PHF2: variants seen among roughly 807,000 people sequenced by gnomAD.
PHF2 encodes the protein PHD finger protein 2.
Under a neutral mutation model 120.5 loss-of-function variants are expected in PHF2, and 27 were observed. The ratio of observed to expected loss-of-function variants is 0.22; its 90% CI spans 0.17 to 0.31. The LOEUF (loss-of-function observed/expected upper bound fraction) is 0.31. PHF2 is among the 10% of genes least tolerant of loss of function. The pLI is 1.00. For missense variants in PHF2, 1,024 were observed against 1,434.8 expected, an observed-to-expected ratio of 0.71 and a Z score of 4.63; for synonymous variants, 568 against 592.5, an observed-to-expected ratio of 0.96 and a Z score of 0.60.
chr9:93,664,062 T>A (rs10761254), intron 14 of PHF2, among the ~76,000 whole-genome samples: 2 of 152,006 alleles, frequency 1.3e-5, no homozygotes, highest in Non-Finnish European at 2.9e-5. Flanking sequence ...GCCCCCCAGG[T>A]AGGGAGGGAG....
At chr9:93,674,288 G>A (rs925501767) in intron 18 of PHF2, among the ~76,000 whole-genome samples, 4 of 152,200 alleles carry the variant, frequency 2.6e-5, no homozygotes, top group African/African-American at 4.8e-5. Flanking sequence ...CCGCCTCACC[G>A]TGTTGGGGCA....
intron 6 of PHF2, 39 bp downstream of exon 6, chr9:93,653,404 G>A (rs1301918503): frequency 6.3e-7 from 1 of 1,598,416 alleles, no homozygotes; most frequent in Non-Finnish European, 8.5e-7. Flanking sequence ...CCTTGCCATG[G>A]CCATGACCCA....
At chr9:93,659,671 C>A in intron 11 of PHF2, 71 bp downstream of exon 11, 1 of 1,385,532 alleles carries the variant, frequency 7.2e-7, no homozygotes, top group South Asian at 1.2e-5. Context: ...TTCTCTGGGT[C>A]CAGGGGCCAG....
chr9:93,622,271 C>T (rs1825838524), intron 1 of PHF2, among the ~76,000 whole-genome samples: 1 of 152,232 alleles, frequency 6.6e-6, no homozygotes, highest in South Asian at 2.1e-4. Context: ...CCAGCCTGTC[C>T]ATACACCGAG....
intron 1 of PHF2, among the ~76,000 whole-genome samples, chr9:93,594,235 C>T (rs928725310): frequency 3.3e-5 from 5 of 149,698 alleles, no homozygotes; most frequent in African/African-American, 1.2e-4. Context: ...TAGTCTGCAG[C>T]CTATCTGCCT....
intron 19 of PHF2, 102 bp downstream of exon 19, chr9:93,675,124 G>A (rs1248763493): frequency 2.2e-6 from 2 of 925,584 alleles, no homozygotes; most frequent in Non-Finnish European, 3.4e-6. Flanking sequence ...GCTCAGCTCT[G>A]CACCTGTCCT....
At chr9:93,587,928 C>T (rs528440550) in intron 1 of PHF2, among the ~76,000 whole-genome samples, 61 of 152,272 alleles carry the variant, frequency 4.0e-4, no homozygotes, top group Non-Finnish European at 6.3e-4. Flanking sequence ...TGCCATTGGC[C>T]GTCTGTGCCA....
In PHF2 at chr9:93,636,467, C is replaced by T. The variant is rs1826094726; in HGVS notation, c.241C>T (p.Pro81Ser). 1.2e-6 allele frequency: 2 copies of T among 1,609,614 alleles called. No homozygotes were observed. The highest frequency in any genetic ancestry group is 1.3e-5 in the African/African-American group (1 of 74,872). Residue 81 changes from proline to serine, a missense_variant, in exon 3 of 22, where the codon CCC becomes TCC. Transcript: ENST00000359246. The part of the protein sequence containing the change: ...HGPGQAPDVK[P>S]VQNGSQLFIK... ...CCCGGGGCAAGCGCCTGACGTCAAG[C>T]CCGTGCAGAATGGCAGCCAGCTCTT... is the stretch of plus-strand genomic sequence containing the variant.
At chr9:93,644,101 G>T (rs536358346) in intron 3 of PHF2, among the ~76,000 whole-genome samples, 1 of 152,216 alleles carries the variant, frequency 6.6e-6, no homozygotes, top group South Asian at 2.1e-4. Flanking sequence ...AATTCCAGAG[G>T]CTCGGCTGGG....
intron 1 of PHF2, among the ~76,000 whole-genome samples, chr9:93,606,161 G>A (rs1825539331): frequency 6.6e-6 from 1 of 151,972 alleles, no homozygotes; most frequent in African/African-American, 2.4e-5. Context: ...GTAGAGATGG[G>A]GTTTTGCCAC....
chr9:93,629,930 G>A (rs1171026001), intron 1 of PHF2, 40 bp from the exon 2 acceptor site: 1 of 1,590,740 alleles, frequency 6.3e-7, no homozygotes, highest in Non-Finnish European at 8.6e-7. Flanking sequence ...TTGAGGGGGT[G>A]CTGAATGCCT....
chr9:93,617,180 C>T (rs1439025102), intron 1 of PHF2, among the ~76,000 whole-genome samples: 4 of 152,170 alleles, frequency 2.6e-5, no homozygotes, highest in Admixed American at 2.0e-4. Flanking sequence ...GCTGGACCCT[C>T]CAGCTCCCCT....
chr9:93,588,926 G>T (rs1863117623), intron 1 of PHF2, among the ~76,000 whole-genome samples: 1 of 152,226 alleles, frequency 6.6e-6, no homozygotes, highest in Middle Eastern at 3.4e-3. Flanking sequence ...ACCCTATGAA[G>T]TCTCTGTTCG....
At chr9:93,653,563 G>A (rs1826405122) in intron 6 of PHF2, among the ~76,000 whole-genome samples, 198 bp downstream of exon 6, 2 of 152,210 alleles carry the variant, frequency 1.3e-5, no homozygotes, top group South Asian at 2.1e-4. Context: ...CCAGAGAACC[G>A]CATGAGTGTC....
At chr9:93,584,120 G>A (rs1057384755) in intron 1 of PHF2, among the ~76,000 whole-genome samples, 3 of 152,140 alleles carry the variant, frequency 2.0e-5, no homozygotes, top group Admixed American at 6.5e-5. Context: ...GAGCTACTGC[G>A]CCCAGCCTAA....
At chr9:93,618,395 G>A (rs1251920049) in intron 1 of PHF2, among the ~76,000 whole-genome samples, 1 of 152,196 alleles carries the variant, frequency 6.6e-6, no homozygotes, top group Non-Finnish European at 1.5e-5. Context: ...GCATACGCAT[G>A]CATACACATG....
At chr9:93,612,699 T>G (rs1825657185) in intron 1 of PHF2, among the ~76,000 whole-genome samples, 1 of 152,244 alleles carries the variant, frequency 6.6e-6, no homozygotes, top group Non-Finnish European at 1.5e-5. Flanking sequence ...AAGCATTTAT[T>G]TTGAGTCTTG....
chr9:93,623,695 C>T (rs1825860535), intron 1 of PHF2, among the ~76,000 whole-genome samples: 1 of 152,330 alleles, frequency 6.6e-6, no homozygotes, highest in East Asian at 1.9e-4. Flanking sequence ...AAAATATTCC[C>T]TCATGTTGTG....
rs766045244 is a variant in PHF2 at position 93,654,446 on chromosome 9, T to A, written c.823T>A (p.Ser275Thr). The change falls in exon 7 of 22, where the codon TCG (serine) becomes ACG (threonine). Residue 275 changes from serine to threonine, a missense_variant. Ser to Thr is a moderately conservative substitution (Grantham distance 58). This residue lies in a region of PHF2 where 347 missense variants were observed against 577.4 expected (regional missense o/e 0.60). Transcript: ENST00000359246. ...EKTFYLIRPASANISLYERWR... is the reference protein window; with the variant it reads ...EKTFYLIRPATANISLYERWR... ...GACCTTCTATCTCATCAGGCCGGCCTCGGCCAACATCTCCCTGTATGAGCG... is the reference window on the plus strand; with the variant it reads ...GACCTTCTATCTCATCAGGCCGGCCACGGCCAACATCTCCCTGTATGAGCG... The A allele has an allele frequency of 1.2e-6, 2 of 1,613,718 alleles. No individual in the cohort carries two copies.
Sources: gnomAD v4.1 joint callset for allele counts (sites outside exome capture counted in the v4.1 genomes callset) on GRCh38, gnomAD v4.1.1 for gene constraint, gnomAD v4.1.1 regional missense constraint, MANE v1.5 for transcripts, NCBI Gene and HGNC (gene_info 2026-07-23, HGNC 2026-07-21) for gene names.